Variants in PHIP observed in about 807,000 individuals in gnomAD.
The protein encoded by PHIP is PHIP subunit of CUL4-Ring ligase complex.
A neutral mutation model predicts 236.8 loss-of-function variants in PHIP; 54 were observed. The ratio of observed to expected loss-of-function variants is 0.23; its 90% CI spans 0.18 to 0.29. PHIP has a LOEUF of 0.29. PHIP is among the 10% of genes least tolerant of loss of function. PHIP has a pLI of 1.00. For synonymous variants in PHIP, 756 were observed against 718.9 expected (o/e 1.05, Z -0.83); for missense variants, 1,370 against 2,190.8 (o/e 0.63, Z 7.48).
chr6:79,023,597 C>T (rs1771241371), intron 9 of PHIP, among the ~76,000 whole-genome samples: 1 of 151,686 alleles, frequency 6.6e-6, no homozygotes, highest in Non-Finnish European at 1.5e-5. Flanking sequence ...ATATAAATAT[C>T]TATGGTAAAA....
chr6:79,040,340 C>T (rs1411390443), intron 7 of PHIP, among the ~76,000 whole-genome samples: 1 of 152,084 alleles, frequency 6.6e-6, no homozygotes, highest in African/African-American at 2.4e-5. Flanking sequence ...GTACTGTATG[C>T]CTCCAGCTGT....
At chr6:79,037,598 CT>C (rs1772004227) in intron 7 of PHIP, among the ~76,000 whole-genome samples, 1 of 152,150 alleles carries the variant, frequency 6.6e-6, no homozygotes, top group South Asian at 2.1e-4. Flanking sequence ...CACATGAATA[CT>C]TTGGAGAAGG....
chr6:78,989,817 G>C (rs889696544), intron 20 of PHIP, among the ~76,000 whole-genome samples: 3 of 152,062 alleles, frequency 2.0e-5, no homozygotes, highest in Non-Finnish European at 1.5e-5. Flanking sequence ...GTTTATCTCA[G>C]CAAAGGATGC....
intron 4 of PHIP, among the ~76,000 whole-genome samples, chr6:79,065,678 C>T (rs1292501865): frequency 2.0e-5 from 3 of 151,326 alleles, no homozygotes; most frequent in Admixed American, 6.6e-5. Context: ...TGTGATTATA[C>T]ATTTAAAAGT....
chr6:79,077,592 G>A, intron 3 of PHIP, 85 bp from the exon 4 acceptor site: 1 of 913,640 alleles, frequency 1.1e-6, no homozygotes, highest in African/African-American at 1.8e-5. Flanking sequence ...GCCCCGGCGG[G>A]GACCCCGAGC....
At chr6:78,970,754 C>A in intron 25 of PHIP, 27 bp downstream of exon 25, 2 of 1,365,302 alleles carry the variant, frequency 1.5e-6, no homozygotes, top group South Asian at 2.5e-5. Flanking sequence ...ATTTTTGGGG[C>A]TATTAAATAA....
intron 6 of PHIP, among the ~76,000 whole-genome samples, chr6:79,045,114 C>T (rs946283570): frequency 5.3e-5 from 8 of 152,172 alleles, no homozygotes; most frequent in Non-Finnish European, 1.0e-4. Flanking sequence ...GCTATCTATA[C>T]TATGACTATA....
intron 21 of PHIP, among the ~76,000 whole-genome samples, chr6:78,987,008 T>A (rs1331359443): frequency 1.3e-5 from 2 of 152,116 alleles, no homozygotes; most frequent in Admixed American, 1.3e-4. Context: ...ACCAAAAAAA[T>A]CAGAATTCTT....
chr6:78,961,934 T>C (rs1766808114), intron 30 of PHIP, 124 bp from the exon 31 acceptor site: 2 of 697,906 alleles, frequency 2.9e-6, no homozygotes, highest in Non-Finnish European at 4.7e-6. Flanking sequence ...CCACTGTCTT[T>C]TCATAAACAA....
At chr6:79,065,348 T>C (rs1025601759) in intron 4 of PHIP, among the ~76,000 whole-genome samples, 13 of 152,168 alleles carry the variant, frequency 8.5e-5, no homozygotes, top group Admixed American at 8.5e-4. Context: ...AGCCCAGAAA[T>C]GCATGTATGG....
chr6:78,952,052 T>TAGA (rs1774191098), intron 35 of PHIP, among the ~76,000 whole-genome samples: 1 of 152,220 alleles, frequency 6.6e-6, no homozygotes, highest in Non-Finnish European at 1.5e-5. Flanking sequence ...TTTTCACTCT[T>TAGA]ATTCTAGGTA....
At chr6:79,005,792 T>C (rs1770258848) in intron 15 of PHIP, among the ~76,000 whole-genome samples, 1 of 152,046 alleles carries the variant, frequency 6.6e-6, no homozygotes, top group South Asian at 2.1e-4. Flanking sequence ...ATGTGTTGTT[T>C]AAACAAACAT....
intron 7 of PHIP, among the ~76,000 whole-genome samples, chr6:79,031,635 A>G (rs560765658): frequency 6.6e-6 from 1 of 152,356 alleles, no homozygotes; most frequent in African/African-American, 2.4e-5. Flanking sequence ...AAAAAAACAC[A>G]CATATTATGA....
chr6:79,012,481 C>T (rs1160906388), intron 15 of PHIP, among the ~76,000 whole-genome samples: 2 of 151,636 alleles, frequency 1.3e-5, no homozygotes, highest in Non-Finnish European at 3.0e-5. Context: ...CACCAGAATT[C>T]TTCATCCTCT....
intron 19 of PHIP, 53 bp from the exon 20 acceptor site, chr6:78,991,038 T>C: frequency 9.3e-7 from 1 of 1,070,016 alleles, no homozygotes; most frequent in Non-Finnish European, 1.4e-6. Flanking sequence ...ATAACTTTCC[T>C]CCAAAAGGAA....
chr6:78,964,346 C>T (rs1254558386), intron 29 of PHIP, among the ~76,000 whole-genome samples: 1 of 152,088 alleles, frequency 6.6e-6, no homozygotes, highest in Non-Finnish European at 1.5e-5. Context: ...TTATTTTCTC[C>T]AACAGTTATT....
intron 6 of PHIP, among the ~76,000 whole-genome samples, chr6:79,043,627 A>T (rs543716076): frequency 6.6e-6 from 1 of 152,048 alleles, no homozygotes; most frequent in African/African-American, 2.4e-5. Flanking sequence ...CATTCTAATC[A>T]TTATTCAAGA....
Position 78,955,225 on chromosome 6 carries a change from A to G in PHIP, c.3903+7T>C. 3 of 1,593,416 alleles carry G rather than the reference A, an allele frequency of 1.9e-6. No individual in the cohort carries two copies. Among genetic ancestry groups the G allele is most frequent in the Non-Finnish European group, 2.6e-6 (3 of 1,163,318 alleles). On this transcript the variant is annotated splice_region_variant and intron_variant, in intron 34 of 39. Transcript: ENST00000275034. ...AAGTACTTCTGCTAAAACTAAAACT[A>G]TATTACCTTCCTTTTTCGAGTAGAA...
At chr6:79,055,113 C>G (rs763605269) in intron 6 of PHIP, among the ~76,000 whole-genome samples, 4 of 151,846 alleles carry the variant, frequency 2.6e-5, no homozygotes, top group African/African-American at 9.7e-5. Flanking sequence ...CAAACCTCCA[C>G]AGACAAGTAA....
Sources: gnomAD v4.1 joint callset for allele counts (sites outside exome capture counted in the v4.1 genomes callset) on GRCh38, gnomAD v4.1.1 for gene constraint, MANE v1.5 for transcripts, NCBI Gene and HGNC (gene_info 2026-07-23, HGNC 2026-07-21) for gene names.